ARSK: variants seen among roughly 807,000 people sequenced by gnomAD.
ARSK encodes arylsulfatase K.
A neutral mutation model predicts 53.2 loss-of-function variants in ARSK; 37 were observed. The ratio of observed to expected loss-of-function variants is 0.70; its 90% CI spans 0.54 to 0.92. ARSK has a LOEUF of 0.92. Ranked by LOEUF, ARSK falls within the 40% of genes least tolerant of loss-of-function variation. The probability of loss-of-function intolerance (pLI) is 0.00; values close to 1 mark genes in which losing one functional copy is unlikely to be tolerated. For synonymous variants in ARSK, 208 were observed against 223.2 expected (o/e 0.93, Z 0.61); for missense variants, 613 against 643.0 (o/e 0.95, Z 0.51).
intron 3 of ARSK, chr5:95,580,794 A>G (rs1400316164): frequency 2.0e-6 from 1 of 493,748 alleles, no homozygotes; most frequent in Non-Finnish European, 3.3e-6. Flanking sequence ...AAATGATTTT[A>G]AAGTACTGTA....
chr5:95,598,276 G>T (rs777716318), intron 6 of ARSK, among the ~76,000 whole-genome samples: 1 of 152,120 alleles, frequency 6.6e-6, no homozygotes, highest in Non-Finnish European at 1.5e-5. Context: ...TGACAGGTTT[G>T]CCAGGAGAAA....
intron 3 of ARSK, among the ~76,000 whole-genome samples, chr5:95,573,129 G>A (rs974779442): frequency 6.6e-6 from 1 of 152,048 alleles, no homozygotes; most frequent in African/African-American, 2.4e-5. Flanking sequence ...TCGTCAGCCT[G>A]GTCTTAGGAA....
intron 4 of ARSK, among the ~76,000 whole-genome samples, chr5:95,586,082 C>G (rs553059339): frequency 6.6e-6 from 1 of 152,088 alleles, no homozygotes; most frequent in Non-Finnish European, 1.5e-5. Flanking sequence ...TTTACCAACA[C>G]TGTACATAAG....
intron 7 of ARSK, among the ~76,000 whole-genome samples, 153 bp downstream of exon 7, chr5:95,601,224 A>C (rs1749398247): frequency 6.6e-6 from 1 of 152,218 alleles, no homozygotes; most frequent in Non-Finnish European, 1.5e-5. Context: ...CCATGTGAGG[A>C]ACAGCCTCTT....
intron 3 of ARSK, among the ~76,000 whole-genome samples, chr5:95,569,642 G>A (rs964147325): frequency 2.0e-5 from 3 of 152,216 alleles, no homozygotes; most frequent in African/African-American, 7.2e-5. Context: ...GAGGGAATGT[G>A]TCTCTGCTGA....
intron 3 of ARSK, among the ~76,000 whole-genome samples, chr5:95,570,132 A>G (rs1192118425): frequency 6.6e-6 from 1 of 152,208 alleles, no homozygotes; most frequent in Non-Finnish European, 1.5e-5. Context: ...GTCTGATTAC[A>G]TGACACACTT....
chr5:95,588,926 C>T (rs1005066946), intron 5 of ARSK, among the ~76,000 whole-genome samples: 2 of 152,150 alleles, frequency 1.3e-5, no homozygotes, highest in Non-Finnish European at 2.9e-5. Flanking sequence ...CACACCACTG[C>T]ACTCCAGCCT....
At chr5:95,582,796 G>A (rs1224115019) in intron 3 of ARSK, 120 bp from the exon 4 acceptor site, 2 of 962,236 alleles carry the variant, frequency 2.1e-6, no homozygotes, top group Non-Finnish European at 3.0e-6. Context: ...TAGTTATTCT[G>A]AACATTTACA....
At chr5:95,583,416 G>A (rs1338944876) in intron 4 of ARSK, among the ~76,000 whole-genome samples, 4 of 152,078 alleles carry the variant, frequency 2.6e-5, no homozygotes, top group African/African-American at 9.7e-5. Flanking sequence ...CATTTGCTAA[G>A]GATATGTCTA....
intron 1 of ARSK, among the ~76,000 whole-genome samples, chr5:95,558,253 C>T (rs534114626): frequency 1.3e-5 from 2 of 152,312 alleles, no homozygotes; most frequent in African/African-American, 4.8e-5. Context: ...TCCTAGGGCC[C>T]TAATTGCCCT....
chr5:95,573,403 T>G (rs1371746976), intron 3 of ARSK, among the ~76,000 whole-genome samples: 1 of 152,214 alleles, frequency 6.6e-6, no homozygotes. Flanking sequence ...GAGATGACCC[T>G]TATTTCAGTT....
chr5:95,584,555 A>T (rs1749076770), intron 4 of ARSK, among the ~76,000 whole-genome samples: 1 of 152,250 alleles, frequency 6.6e-6, no homozygotes, highest in Admixed American at 6.5e-5. Context: ...TAATCAGTTA[A>T]TTCAACTAAA....
chr5:95,557,649 C>G (rs1748547941), intron 1 of ARSK, among the ~76,000 whole-genome samples: 1 of 152,146 alleles, frequency 6.6e-6, no homozygotes, highest in South Asian at 2.1e-4. Context: ...TATGATTATA[C>G]CAGTTTGGTA....
At chr5:95,586,376 G>T (rs577058571) in intron 4 of ARSK, among the ~76,000 whole-genome samples, 186 bp from the exon 5 acceptor site, 1 of 151,822 alleles carries the variant, frequency 6.6e-6, no homozygotes. Flanking sequence ...TATACCTTTT[G>T]TTATGACAGT....
intron 1 of ARSK, among the ~76,000 whole-genome samples, chr5:95,559,592 T>C (rs1348842224): frequency 6.6e-6 from 1 of 152,240 alleles, no homozygotes; most frequent in Non-Finnish European, 1.5e-5. Flanking sequence ...TAATACATCA[T>C]GTTGACTGAA....
chr5:95,579,169 C>T (rs887269339), intron 3 of ARSK, among the ~76,000 whole-genome samples: 1 of 152,122 alleles, frequency 6.6e-6, no homozygotes, highest in Admixed American at 6.6e-5. Flanking sequence ...AATTCTTAAA[C>T]TGTGCATCTC....
rs70978189 is a variant in ARSK at position 95,563,973 on chromosome 5, C to CTTT, written c.127-2005_127-2003dup. ...AATTCTCATGAGGGAGGGCTATGCA[C>CTTT]TTTTTTTTTTTTTTTTTTTTTTGAG... On this transcript the variant is annotated intron_variant, in intron 1 of 7. Coordinates refer to ENST00000380009, the MANE Select transcript of ARSK (RefSeq NM_198150.3). Among the ~76,000 whole-genome samples the CTTT allele has an allele frequency of 2.7e-4, 33 of 123,948 alleles. 1 individual carries two copies. Among genetic ancestry groups the CTTT allele is most frequent in the African/African-American group, 5.1e-4 (17 of 33,380 alleles). 81.3% of individuals were successfully genotyped at this position (123,948 alleles called of 152,430 possible).
chr5:95,582,184 C>G (rs1207663124), intron 3 of ARSK, among the ~76,000 whole-genome samples: 1 of 151,942 alleles, frequency 6.6e-6, no homozygotes, highest in East Asian at 1.9e-4. Context: ...CTAGAAATGC[C>G]CAGGACTGCT....
At chr5:95,562,333 A>T (rs976490490) in intron 1 of ARSK, among the ~76,000 whole-genome samples, 1 of 152,194 alleles carries the variant, frequency 6.6e-6, no homozygotes, top group African/African-American at 2.4e-5. Flanking sequence ...ACTCCCTGCC[A>T]CTGCACCTGT....
Sources: gnomAD v4.1 joint callset for allele counts (sites outside exome capture counted in the v4.1 genomes callset) on GRCh38, gnomAD v4.1.1 for gene constraint, MANE v1.5 for transcripts, NCBI Gene and HGNC (gene_info 2026-07-23, HGNC 2026-07-21) for gene names.